RIMS2: variants seen among roughly 807,000 people sequenced by gnomAD.
The protein encoded by RIMS2 is regulating synaptic membrane exocytosis 2.
RIMS2 carries 59 observed loss-of-function variants against 174.4 expected under a neutral mutation model. The ratio of observed to expected loss-of-function variants is 0.34; its 90% CI spans 0.27 to 0.42. The LOEUF (loss-of-function observed/expected upper bound fraction) is 0.42. Among genes scored for constraint, RIMS2 ranks in the 10% least tolerant of loss-of-function variants. The pLI is 1.00. For missense variants in RIMS2, 1,620 were observed against 1,666.3 expected (o/e 0.97, Z 0.48); for synonymous variants, 606 against 572.5 (o/e 1.06, Z -0.84).
chr8:104,077,007 G>A (rs1436792071), intron 19 of RIMS2, among the ~76,000 whole-genome samples: 1 of 151,492 alleles, frequency 6.6e-6, no homozygotes, highest in Non-Finnish European at 1.5e-5. Context: ...TTAGTAAAAG[G>A]CAGGGTTTCA....
chr8:103,963,795 C>T (rs1407345185), intron 15 of RIMS2, among the ~76,000 whole-genome samples: 1 of 152,108 alleles, frequency 6.6e-6, no homozygotes, highest in East Asian at 1.9e-4. Flanking sequence ...GACATGTATC[C>T]ATCATTATAT....
chr8:104,127,794 C>T (rs759328203), intron 19 of RIMS2, among the ~76,000 whole-genome samples: 6 of 151,898 alleles, frequency 4.0e-5, no homozygotes, highest in Non-Finnish European at 7.4e-5. Flanking sequence ...AAAACTTATA[C>T]GTGAAATGCC....
intron 1 of RIMS2, among the ~76,000 whole-genome samples, chr8:103,602,177 C>T (rs910447316): frequency 9.9e-5 from 15 of 151,970 alleles, no homozygotes; most frequent in South Asian, 2.1e-4. Context: ...TTAGTAGAGA[C>T]GGGGTTTCAC....
chr8:103,571,673 G>T (rs1167466621), intron 1 of RIMS2, among the ~76,000 whole-genome samples: 2 of 152,038 alleles, frequency 1.3e-5, no homozygotes, highest in Non-Finnish European at 2.9e-5. Context: ...TTTGTTGTGA[G>T]TAAAAAAGAA....
chr8:104,209,609 T>C (rs1385377112), intron 19 of RIMS2, among the ~76,000 whole-genome samples: 1 of 152,246 alleles, frequency 6.6e-6, no homozygotes, highest in African/African-American at 2.4e-5. Flanking sequence ...TTGTTGTTTG[T>C]TGTCTGTTTC....
intron 1 of RIMS2, among the ~76,000 whole-genome samples, chr8:103,638,043 G>A (rs897657485): frequency 1.3e-5 from 2 of 152,100 alleles, no homozygotes; most frequent in Non-Finnish European, 2.9e-5. Context: ...GAATACCACA[G>A]TGGTATCACA....
intron 1 of RIMS2, among the ~76,000 whole-genome samples, chr8:103,622,033 T>A (rs1358078504): frequency 1.3e-5 from 2 of 152,136 alleles, no homozygotes; most frequent in Non-Finnish European, 2.9e-5. Flanking sequence ...ATAGTATCAT[T>A]TTTTAAAATT....
intron 1 of RIMS2, among the ~76,000 whole-genome samples, chr8:103,587,781 T>C (rs1368465530): frequency 1.3e-5 from 2 of 152,048 alleles, no homozygotes; most frequent in African/African-American, 2.4e-5. Context: ...AAGCCACATA[T>C]GACAGACCCA....
At chr8:103,794,215 A>G (rs200773525) in intron 3 of RIMS2, among the ~76,000 whole-genome samples, 8 of 152,124 alleles carry the variant, frequency 5.3e-5, no homozygotes, top group African/African-American at 1.9e-4. Flanking sequence ...AAACAGCATG[A>G]TACTGGCACT....
At chr8:103,694,742 T>C (rs940197316) in intron 1 of RIMS2, among the ~76,000 whole-genome samples, 1 of 151,990 alleles carries the variant, frequency 6.6e-6, no homozygotes, top group Admixed American at 6.6e-5. Flanking sequence ...GTTCTGAGGG[T>C]GCTAGCCTGA....
chr8:103,878,453 G>A (rs1043144550), intron 3 of RIMS2, among the ~76,000 whole-genome samples: 3 of 151,766 alleles, frequency 2.0e-5, no homozygotes, highest in Non-Finnish European at 4.4e-5. Context: ...TTCTTGATAT[G>A]CTATTAAGTT....
chr8:103,910,606 A>G, intron 5 of RIMS2, 77 bp downstream of exon 8: 1 of 817,000 alleles, frequency 1.2e-6, no homozygotes. Context: ...TTAAAACAGA[A>G]CATAATAAAA....
intron 19 of RIMS2, among the ~76,000 whole-genome samples, chr8:104,099,979 A>G (rs2097842672): frequency 6.6e-6 from 1 of 151,724 alleles, no homozygotes; most frequent in Admixed American, 6.6e-5. Context: ...CATCACACCC[A>G]GCTAATTTTT....
At chr8:103,527,151 A>G (rs1260884484) in intron 1 of RIMS2, among the ~76,000 whole-genome samples, 1 of 152,202 alleles carries the variant, frequency 6.6e-6, no homozygotes, top group African/African-American at 2.4e-5. Context: ...TTTTATGTCC[A>G]ATGAAAATAG....
intron 1 of RIMS2, among the ~76,000 whole-genome samples, chr8:103,603,839 G>A (rs2133864980): frequency 6.7e-6 from 1 of 149,626 alleles, no homozygotes; most frequent in South Asian, 2.1e-4. Flanking sequence ...ACTTTTTGAT[G>A]GGGTTGTTTG....
chr8:104,122,400 C>G (rs2098387500), intron 19 of RIMS2, among the ~76,000 whole-genome samples: 1 of 152,054 alleles, frequency 6.6e-6, no homozygotes, highest in Admixed American at 6.6e-5. Flanking sequence ...TTCCCTCAAA[C>G]ATATAGGGCT....
chr8:103,527,889 C>A lies in RIMS2; in HGVS notation c.176+26827C>A, dbSNP rs1335692050. Among the ~76,000 whole-genome samples, 3 of 152,104 alleles carry A rather than the reference C, an allele frequency of 2.0e-5. No individual in the cohort carries two copies. In the East Asian group the frequency reaches 5.8e-4, roughly 29 times the overall value. ...TCTTTATAGCAGCATGATTTATAAT[C>A]CTTTGGGTATATACCCAGTAACGGG... On this transcript the variant is annotated intron_variant, in intron 1 of 23. Transcript: ENST00000504942.
chr8:104,058,026 CAT>C (rs1445420501), intron 19 of RIMS2, among the ~76,000 whole-genome samples: 4 of 151,984 alleles, frequency 2.6e-5, no homozygotes, highest in Non-Finnish European at 5.9e-5. Context: ...CCGCAATAAA[CAT>C]ATGTGTGCAT....
chr8:104,057,738 T>G (rs1332839778), intron 19 of RIMS2, among the ~76,000 whole-genome samples: 1 of 104,730 alleles, frequency 9.5e-6, no homozygotes, highest in African/African-American at 3.8e-5. Flanking sequence ...CCCACAACAG[T>G]CCCCAGAGTG....
Sources: gnomAD v4.1 joint callset for allele counts (sites outside exome capture counted in the v4.1 genomes callset) on GRCh38, gnomAD v4.1.1 for gene constraint, MANE v1.5 for transcripts, NCBI Gene and HGNC (gene_info 2026-07-23, HGNC 2026-07-21) for gene names.